The following ANK1 variants were observed in gnomAD, a reference collection of about 807,000 sequenced individuals.
The protein encoded by ANK1 is ankyrin 1, also known as ankyrin-1.
A neutral mutation model predicts 210.4 loss-of-function variants in ANK1; 51 were observed. That is an observed-to-expected ratio of 0.24 (90% CI 0.19 to 0.31). ANK1 has a LOEUF of 0.31. Ranked by LOEUF, ANK1 falls within the 10% of genes least tolerant of loss-of-function variation. ANK1 has a pLI of 1.00. For missense variants in ANK1, 2,051 were observed against 2,504.4 expected, an observed-to-expected ratio of 0.82 and a Z score of 3.86; for synonymous variants, 967 against 1,025.9, an observed-to-expected ratio of 0.94 and a Z score of 1.10.
In ANK1 at chr8:41,704,587, G is replaced by A; in HGVS notation, c.2098-115C>T. ...ACGGACAGGGAGCCCCTTGAAGGCT[G>A]ACATTGACAAGCTGAATGGCTGCTG... On this transcript the variant is annotated intron_variant, in intron 18 of 42. Transcript: ENST00000289734. This position sits in a 1 kb window ranked among gnomAD's most constrained non-coding sequence, Gnocchi z 4.1. The A allele has an allele frequency of 2.2e-6, 2 of 899,268 alleles. No individual in the cohort carries two copies. The highest frequency in any genetic ancestry group is 3.6e-6 in the Non-Finnish European group (2 of 551,210). The allele number at this position is 899,268 out of a possible 1,614,324, so 55.7% of individuals were successfully genotyped here. A position where few individuals can be genotyped will look rare whatever the true frequency, so the allele number is the denominator to read the frequency against.
intron 1 of ANK1, among the ~76,000 whole-genome samples, chr8:41,777,344 G>A (rs1447719355): frequency 6.6e-6 from 1 of 152,160 alleles, no homozygotes; most frequent in South Asian, 2.1e-4. Flanking sequence ...GGAGGCTGAG[G>A]CAGGTGGATC....
At chr8:41,824,977 C>T (rs116361932) in intron 1 of ANK1, among the ~76,000 whole-genome samples, 3,782 of 152,308 alleles carry the variant, frequency 0.025, 155 homozygotes, top group African/African-American at 0.086. Context: ...CCACTGGTCT[C>T]AAGTGGCTGG....
intron 1 of ANK1, among the ~76,000 whole-genome samples, chr8:41,815,341 C>T (rs1803147567): frequency 6.6e-6 from 1 of 152,032 alleles, no homozygotes; most frequent in African/African-American, 2.4e-5. Context: ...CTTATTAAGA[C>T]TACAAAACAC....
rs1563811019 is a variant in ANK1 at position 41,803,080 on chromosome 8, GAA to G, written c.127-44945_127-44944del. Reference sequence around the variant, plus strand: ...GAGAGAAAGGAAGGAAGGAAGGAAGGAAGGGAAGGAAAGGAAAGGAAAGGAAA... The same window carrying G: ...GAGAGAAAGGAAGGAAGGAAGGAAGGGGGAAGGAAAGGAAAGGAAAGGAAA... On this transcript the variant is annotated intron_variant, in intron 1 of 42. Transcript: ENST00000265709. Among the ~76,000 whole-genome samples, 321 of 46,162 alleles carry G rather than the reference GAA, an allele frequency of 7.0e-3. 1 individual carries two copies. Among genetic ancestry groups the G allele is most frequent in the East Asian group, 0.025 (76 of 3,042 alleles). 30.3% of individuals were successfully genotyped at this position (46,162 alleles called of 152,430 possible). A position where few individuals can be genotyped will look rare whatever the true frequency, so the allele number is the denominator to read the frequency against.
chr8:41,756,070 A>G (rs573189635), intron 2 of ANK1, among the ~76,000 whole-genome samples: 6 of 152,302 alleles, frequency 3.9e-5, no homozygotes, highest in East Asian at 3.9e-4. Flanking sequence ...TGCAAGACCA[A>G]CTGAATCCAA....
At chr8:41,726,827 T>C (rs941965576) in intron 5 of ANK1, among the ~76,000 whole-genome samples, 1 of 152,244 alleles carries the variant, frequency 6.6e-6, no homozygotes, top group African/African-American at 2.4e-5. Flanking sequence ...TGGCTCTATC[T>C]AGTCCAATTT....
chr8:41,820,095 T>C (rs1173083301), intron 1 of ANK1, among the ~76,000 whole-genome samples: 1 of 150,824 alleles, frequency 6.6e-6, no homozygotes, highest in East Asian at 1.9e-4. Flanking sequence ...ATACTCATAC[T>C]CCCCCAAAAC....
Position 41,696,545 on chromosome 8 carries a change from C to A in ANK1, c.2778G>T (p.Met926Ile), listed in dbSNP as rs757526089. 1.9e-6 allele frequency: 3 copies of A among 1,613,978 alleles called. No individual in the cohort carries two copies. The highest frequency in any genetic ancestry group is 2.5e-6 in the Non-Finnish European group (3 of 1,180,022). ...GCAGGCCGTTGTGGCGACTTCCTCTCATGGAACCACCCCGGGCGTCAACCA... is the reference window on the plus strand; with the variant it reads ...GCAGGCCGTTGTGGCGACTTCCTCTAATGGAACCACCCCGGGCGTCAACCA... ...SFMVDARGGS[M>I]RGSRHNGLRV... The change falls in exon 26 of 43, where the codon ATG (methionine) becomes ATT (isoleucine). Residue 926 changes from methionine to isoleucine, a missense_variant. Physicochemically the swap from Met to Ile is conservative, Grantham distance 10. Around this residue, in one of 6 missense-constraint regions of ANK1, gnomAD observed 1,413 missense variants for 1,707.4 expected, o/e 0.83. Transcript: ENST00000289734.
rs35569972 is a variant in ANK1 at position 41,749,295 on chromosome 8, C to CTTTTT, written c.129+8736_129+8740dup. Among the ~76,000 whole-genome samples, 66 of 115,412 alleles carry CTTTTT rather than the reference C, an allele frequency of 5.7e-4. 1 individual carries two copies. The highest frequency in any genetic ancestry group is 8.6e-4 in the Non-Finnish European group (50 of 57,894). 75.7% of individuals were successfully genotyped at this position (115,412 alleles called of 152,430 possible). A position where few individuals can be genotyped will look rare whatever the true frequency, so the allele number is the denominator to read the frequency against. On this transcript the variant is annotated intron_variant, in intron 2 of 42. Transcript: ENST00000289734. ...ATGAGCAGAGAAATTTCATCTTGGA[C>CTTTTT]TTTTTTTTTTTTTTTTTTTTGAGAT...
At chr8:41,831,638 T>G (rs1806642999) in intron 1 of ANK1, among the ~76,000 whole-genome samples, 1 of 54,436 alleles carries the variant, frequency 1.8e-5, no homozygotes, top group African/African-American at 1.1e-4. Context: ...CAAAAGTCTG[T>G]CAAAAAAAAA....
At chr8:41,844,522 C>A (rs996324441) in intron 1 of ANK1, among the ~76,000 whole-genome samples, 11 of 152,080 alleles carry the variant, frequency 7.2e-5, no homozygotes, top group East Asian at 1.9e-4. Context: ...ACACACCCCC[C>A]ACACACACAC....
At chr8:41,692,317 A>G (rs1819498213) in intron 31 of ANK1, among the ~76,000 whole-genome samples, 1 of 152,200 alleles carries the variant, frequency 6.6e-6, no homozygotes, top group South Asian at 2.1e-4. Flanking sequence ...TTGGCCTTTC[A>G]AAGTGTTGAG....
intron 1 of ANK1, among the ~76,000 whole-genome samples, chr8:41,795,885 A>G (rs977278006): frequency 6.6e-6 from 1 of 152,230 alleles, no homozygotes; most frequent in Non-Finnish European, 1.5e-5. Context: ...TACCGTGTAC[A>G]TTTCAAAGTT....
intron 1 of ANK1, among the ~76,000 whole-genome samples, chr8:41,836,619 G>C (rs1373166880): frequency 6.6e-6 from 1 of 152,234 alleles, no homozygotes; most frequent in Non-Finnish European, 1.5e-5. Flanking sequence ...ATGAGGGCAG[G>C]GGCCTCTCAA....
intron 1 of ANK1, among the ~76,000 whole-genome samples, chr8:41,893,465 G>A (rs777531420): frequency 4.1e-4 from 62 of 152,138 alleles, no homozygotes; most frequent in Non-Finnish European, 2.1e-4. Context: ...CAGTCAGTGC[G>A]TCACAACACC....
chr8:41,809,733 C>T (rs1378343925), intron 1 of ANK1, among the ~76,000 whole-genome samples: 1 of 152,196 alleles, frequency 6.6e-6, no homozygotes, highest in Non-Finnish European at 1.5e-5. Flanking sequence ...TACCACCACA[C>T]TTCAACCCGA....
intron 2 of ANK1, among the ~76,000 whole-genome samples, chr8:41,751,594 G>A (rs1425894796): frequency 2.6e-5 from 4 of 152,100 alleles, no homozygotes; most frequent in Admixed American, 6.6e-5. Context: ...AAGGAGCCCC[G>A]GCAAAATGTG....
In ANK1 at chr8:41,797,479, C is replaced by T. The variant is rs778044519; in HGVS notation, c.27+33G>A. 6.2e-7 allele frequency: 1 copy of T among 1,603,542 alleles called. No homozygotes were observed. The highest frequency in any genetic ancestry group is 1.1e-5 in the South Asian group (1 of 90,192). On this transcript the variant is annotated intron_variant, in intron 1 of 42. Coordinates refer to ENST00000289734, the MANE Select transcript of ANK1 (RefSeq NM_000037.4). The surrounding 1 kb of genome is among the most constrained non-coding windows in gnomAD (Gnocchi z 4.0). ...CCTGGGTGGCCCCCTCCTGACATCT[C>T]CCCGTCCACCCGAGCAGCCGCCCAG...
intron 1 of ANK1, among the ~76,000 whole-genome samples, chr8:41,860,078 A>T (rs1812989116): frequency 6.6e-6 from 1 of 152,234 alleles, no homozygotes; most frequent in African/African-American, 2.4e-5. Flanking sequence ...GGCAGACTAC[A>T]GACTGAATCT....
Sources: gnomAD v4.1 joint callset for allele counts (sites outside exome capture counted in the v4.1 genomes callset) on GRCh38, gnomAD v4.1.1 for gene constraint, gnomAD v4.1.1 regional missense constraint, Gnocchi (gnomAD v3.1) non-coding constraint, MANE v1.5 for transcripts, NCBI Gene and HGNC (gene_info 2026-07-23, HGNC 2026-07-21) for gene names.